The following PIP5K1B variants were observed in gnomAD, a reference collection of about 807,000 sequenced individuals.
The protein encoded by PIP5K1B is phosphatidylinositol-4-phosphate 5-kinase type 1 beta.
PIP5K1B carries 42 observed loss-of-function variants against 67.0 expected under a neutral mutation model. The ratio of observed to expected loss-of-function variants is 0.63; its 90% CI spans 0.49 to 0.81. PIP5K1B has a LOEUF of 0.81. Among genes scored for constraint, PIP5K1B ranks in the 30% least tolerant of loss-of-function variants. The pLI, the probability that PIP5K1B is intolerant of heterozygous loss-of-function variation, is 0.00. For missense variants in PIP5K1B, 459 were observed against 646.3 expected (o/e 0.71, Z 3.14); for synonymous variants, 214 against 231.4 (o/e 0.92, Z 0.68).
intron 15 of PIP5K1B, among the ~76,000 whole-genome samples, chr9:68,997,059 T>C (rs1183649294): frequency 6.6e-6 from 1 of 152,208 alleles, no homozygotes; most frequent in Non-Finnish European, 1.5e-5. Flanking sequence ...AGATTAGCGC[T>C]CTGATGGGCA....
chr9:68,943,970 A>G (rs1222010987), intron 14 of PIP5K1B, among the ~76,000 whole-genome samples: 1 of 152,160 alleles, frequency 6.6e-6, no homozygotes, highest in Non-Finnish European at 1.5e-5. Context: ...TTAAAGGATT[A>G]TTCTTTGTAA....
chr9:68,949,889 C>T (rs983693927), intron 14 of PIP5K1B, among the ~76,000 whole-genome samples: 12 of 152,202 alleles, frequency 7.9e-5, no homozygotes, highest in African/African-American at 2.2e-4. Flanking sequence ...TATTTGAACA[C>T]GGTCCGAACA....
chr9:68,894,708 G>A, intron 8 of PIP5K1B, 70 bp downstream of exon 8: 6 of 1,380,796 alleles, frequency 4.3e-6, no homozygotes, highest in Non-Finnish European at 6.1e-6. Context: ...GCCACTTATT[G>A]AAAGCATAGA....
At chr9:68,773,483 TTTTAA>T (rs150461677) in intron 2 of PIP5K1B, among the ~76,000 whole-genome samples, 79 of 152,340 alleles carry the variant, frequency 5.2e-4, no homozygotes, top group Admixed American at 1.3e-3. Flanking sequence ...TAGATGGCTA[TTTTAA>T]TTTAATATCT....
chr9:68,938,723 G>A (rs1827402212), intron 13 of PIP5K1B, among the ~76,000 whole-genome samples: 1 of 152,150 alleles, frequency 6.6e-6, no homozygotes, highest in African/African-American at 2.4e-5. Context: ...CATGTTGTCG[G>A]CAGAATTCAG....
intron 1 of PIP5K1B, among the ~76,000 whole-genome samples, chr9:68,731,468 A>G (rs1425881076): frequency 2.6e-5 from 4 of 152,210 alleles, no homozygotes; most frequent in African/African-American, 9.7e-5. Context: ...AACTAAGTAA[A>G]TGCTACTTCC....
intron 1 of PIP5K1B, among the ~76,000 whole-genome samples, chr9:68,734,837 C>T (rs1316417884): frequency 2.0e-5 from 3 of 152,296 alleles, no homozygotes; most frequent in Middle Eastern, 3.4e-3. Flanking sequence ...TTGTAGGAAC[C>T]TTCTACTAGC....
At chr9:68,827,446 T>C (rs1834045330) in intron 4 of PIP5K1B, among the ~76,000 whole-genome samples, 1 of 152,244 alleles carries the variant, frequency 6.6e-6, no homozygotes, top group African/African-American at 2.4e-5. Context: ...TTAATCTTAA[T>C]TTTAGTTAAA....
intron 13 of PIP5K1B, among the ~76,000 whole-genome samples, chr9:68,938,686 G>A (rs977557901): frequency 6.6e-6 from 1 of 152,128 alleles, no homozygotes; most frequent in African/African-American, 2.4e-5. Context: ...AGGAAGTGCT[G>A]AAGACGAATC....
chr9:68,984,728 T>C (rs1587761164), intron 14 of PIP5K1B, among the ~76,000 whole-genome samples: 1 of 152,200 alleles, frequency 6.6e-6, no homozygotes, highest in Non-Finnish European at 1.5e-5. Flanking sequence ...TGTTCATTGT[T>C]ACTCTTCCCA....
intron 2 of PIP5K1B, chr9:68,789,716 T>A: frequency 7.2e-6 from 2 of 276,268 alleles, no homozygotes; most frequent in South Asian, 7.4e-5. Flanking sequence ...TTTTTCAGTC[T>A]GAAAGCCTCA....
At chr9:68,905,223 C>T (rs1825547764) in intron 8 of PIP5K1B, among the ~76,000 whole-genome samples, 1 of 152,064 alleles carries the variant, frequency 6.6e-6, no homozygotes, top group Admixed American at 6.6e-5. Context: ...CTCTTCTCCT[C>T]CCTGTTGAGA....
chr9:68,785,458 CAG>C (rs1282252430), intron 2 of PIP5K1B, among the ~76,000 whole-genome samples: 2 of 152,134 alleles, frequency 1.3e-5, no homozygotes, highest in African/African-American at 2.4e-5. Context: ...GTAGCCAAGA[CAG>C]AGTTCTTTGT....
At chr9:68,859,444 C>A (rs1412334806) in intron 4 of PIP5K1B, among the ~76,000 whole-genome samples, 1 of 152,176 alleles carries the variant, frequency 6.6e-6, no homozygotes, top group Non-Finnish European at 1.5e-5. Context: ...TTAGCCCTTG[C>A]AAAAACCTGA....
rs1823921817 is a variant in PIP5K1B, at chr9:68,876,813, T to C, written c.318+19T>C. 3 of 1,177,282 alleles carry C rather than the reference T, an allele frequency of 2.5e-6. No homozygotes were observed. In the East Asian group the frequency reaches 7.0e-5, roughly 27 times the overall value. 72.9% of individuals were successfully genotyped at this position (1,177,282 alleles called of 1,614,324 possible). On this transcript the variant is annotated intron_variant, in intron 6 of 15. Transcript: ENST00000265382. ...TTACTTGGTAAGAACCTGTCATTTT[T>C]CTTCCTTCTATAGAAATGTGTGATG...
At chr9:68,716,870 A>C (rs1394997062) in intron 1 of PIP5K1B, among the ~76,000 whole-genome samples, 1 of 152,256 alleles carries the variant, frequency 6.6e-6, no homozygotes, top group East Asian at 1.9e-4. Flanking sequence ...TTGGATGAAG[A>C]AAATGTGGTA....
chr9:68,804,579 T>C (rs922617912), intron 2 of PIP5K1B, among the ~76,000 whole-genome samples: 1 of 145,682 alleles, frequency 6.9e-6, no homozygotes, highest in Non-Finnish European at 1.5e-5. Flanking sequence ...TTTATTCTTC[T>C]AGTTTTCAAT....
intron 1 of PIP5K1B, among the ~76,000 whole-genome samples, chr9:68,738,894 A>T (rs1828868931): frequency 6.7e-6 from 1 of 149,636 alleles, no homozygotes; most frequent in Non-Finnish European, 1.5e-5. Context: ...GAAGGCCAAC[A>T]TTTTTTTTTT....
chr9:68,779,951 C>T, intron 2 of PIP5K1B: 1 of 552,964 alleles, frequency 1.8e-6, no homozygotes, highest in Non-Finnish European at 2.9e-6. Context: ...CACTCCTCGC[C>T]CCTCCCCTAC....
Sources: gnomAD v4.1 joint callset for allele counts (sites outside exome capture counted in the v4.1 genomes callset) on GRCh38, gnomAD v4.1.1 for gene constraint, MANE v1.5 for transcripts, NCBI Gene and HGNC (gene_info 2026-07-23, HGNC 2026-07-21) for gene names.